The following FOXP1 variants were observed in gnomAD, a reference collection of about 807,000 sequenced individuals.
The protein encoded by FOXP1 is forkhead box protein P1.
FOXP1 carries 15 observed loss-of-function variants against 98.2 expected under a neutral mutation model. The observed-to-expected ratio is 0.15, with a 90% CI of 0.10 to 0.24. The LOEUF is 0.24. Ranked by LOEUF, FOXP1 falls within the 10% of genes least tolerant of loss-of-function variation. The pLI is 1.00. For synonymous variants in FOXP1, 371 were observed against 314.5 expected, an observed-to-expected ratio of 1.18 and a Z score of -1.90; for missense variants, 633 against 848.5, an observed-to-expected ratio of 0.75 and a Z score of 3.15.
intron 5 of FOXP1, among the ~76,000 whole-genome samples, chr3:71,231,523 C>T (rs999016119): frequency 6.6e-5 from 10 of 152,150 alleles, no homozygotes; most frequent in Admixed American, 3.3e-4. Context: ...GAAAAATACA[C>T]AACACCAACT....
chr3:71,454,252 T>C (rs1237399114), intron 3 of FOXP1, among the ~76,000 whole-genome samples: 1 of 152,186 alleles, frequency 6.6e-6, no homozygotes, highest in Admixed American at 6.5e-5. Context: ...ACTATACTCC[T>C]ACAGCGTGAT....
chr3:71,374,203 A>G (rs985829088), intron 3 of FOXP1, among the ~76,000 whole-genome samples: 2 of 152,226 alleles, frequency 1.3e-5, no homozygotes, highest in Non-Finnish European at 1.5e-5. Context: ...TATATAATGG[A>G]GTAACTTCCA....
chr3:71,109,187 T>C (rs1388898991), intron 7 of FOXP1, among the ~76,000 whole-genome samples: 2 of 152,224 alleles, frequency 1.3e-5, no homozygotes, highest in Non-Finnish European at 2.9e-5. Flanking sequence ...AGTATGTGGA[T>C]CTGCAAAGAG....
intron 14 of FOXP1, among the ~76,000 whole-genome samples, chr3:70,983,070 T>C (rs1460109251): frequency 6.6e-6 from 1 of 152,220 alleles, no homozygotes; most frequent in Non-Finnish European, 1.5e-5. Flanking sequence ...AGAGACGGCC[T>C]TTCTGAGGCT....
chr3:71,049,899 CTCAG>C (rs2049611184), intron 9 of FOXP1, among the ~76,000 whole-genome samples: 1 of 152,098 alleles, frequency 6.6e-6, no homozygotes, highest in Non-Finnish European at 1.5e-5. Context: ...TACCCTGGGT[CTCAG>C]ACAAATCCAC....
intron 3 of FOXP1, among the ~76,000 whole-genome samples, chr3:71,449,142 T>C (rs2086709332): frequency 6.6e-6 from 1 of 152,134 alleles, no homozygotes; most frequent in East Asian, 1.9e-4. Flanking sequence ...AAAAACAGGG[T>C]AGAAATATAG....
chr3:70,961,326 G>C (rs1041343344), intron 20 of FOXP1, among the ~76,000 whole-genome samples: 6 of 151,990 alleles, frequency 3.9e-5, no homozygotes, highest in African/African-American at 1.5e-4. Context: ...CAACCCCCAG[G>C]CTCAAGTAAT....
At chr3:71,056,550 G>C (rs1412168665) in intron 7 of FOXP1, among the ~76,000 whole-genome samples, 2 of 152,200 alleles carry the variant, frequency 1.3e-5, no homozygotes, top group Non-Finnish European at 2.9e-5. Flanking sequence ...AGAGGCCTGA[G>C]TAATCCTCCA....
At chr3:71,215,862 G>C (rs1399374112) in intron 5 of FOXP1, among the ~76,000 whole-genome samples, 1 of 152,180 alleles carries the variant, frequency 6.6e-6, no homozygotes, top group Non-Finnish European at 1.5e-5. Context: ...AGCCAGCCCT[G>C]TTCAAAGCAG....
At chr3:71,038,713 G>A (rs1295482498) in intron 11 of FOXP1, among the ~76,000 whole-genome samples, 1 of 151,236 alleles carries the variant, frequency 6.6e-6, no homozygotes, top group East Asian at 1.9e-4. Flanking sequence ...GCCCAGGCTG[G>A]AGTGCAATGG....
At chr3:70,979,778 TAAAAAA>T (rs34746282) in intron 14 of FOXP1, among the ~76,000 whole-genome samples, 1 of 138,164 alleles carries the variant, frequency 7.2e-6, no homozygotes, top group South Asian at 2.5e-4. Flanking sequence ...ACACTCTAGT[TAAAAAA>T]AAAAAAAAAG....
chr3:70,983,923 A>AC, intron 14 of FOXP1, among the ~76,000 whole-genome samples: 1 of 152,218 alleles, frequency 6.6e-6, no homozygotes, highest in Non-Finnish European at 1.5e-5. Context: ...CCACAGAGTA[A>AC]GCACGGAGAA....
At chr3:71,153,384 G>A (rs1453797232) in intron 6 of FOXP1, among the ~76,000 whole-genome samples, 4 of 152,026 alleles carry the variant, frequency 2.6e-5, no homozygotes, top group African/African-American at 4.8e-5. Flanking sequence ...CTCCAGGGAC[G>A]TTTCCAGGTT....
chr3:71,317,188 G>C (rs1334343143), intron 4 of FOXP1, among the ~76,000 whole-genome samples: 2 of 152,074 alleles, frequency 1.3e-5, no homozygotes, highest in African/African-American at 4.8e-5. Context: ...CCAGAGAGTT[G>C]AAGCATTATA....
At chr3:71,257,456 G>A (rs1319112891) in intron 5 of FOXP1, among the ~76,000 whole-genome samples, 2 of 152,078 alleles carry the variant, frequency 1.3e-5, no homozygotes, top group East Asian at 3.9e-4. Context: ...GTGGTGGCAG[G>A]CCCCTGTAAT....
At chr3:71,498,413 C>G (rs2091561885) in intron 2 of FOXP1, among the ~76,000 whole-genome samples, 1 of 152,166 alleles carries the variant, frequency 6.6e-6, no homozygotes, top group South Asian at 2.1e-4. Context: ...AGGAAAACAA[C>G]AACAGCACAG....
intron 3 of FOXP1, among the ~76,000 whole-genome samples, chr3:71,427,726 G>A (rs1253028851): frequency 6.6e-6 from 1 of 152,210 alleles, no homozygotes; most frequent in African/African-American, 2.4e-5. Flanking sequence ...AGGAACTAAG[G>A]GAACATGAGG....
intron 4 of FOXP1, among the ~76,000 whole-genome samples, chr3:71,300,856 T>C (rs2107563101): frequency 6.6e-6 from 1 of 152,348 alleles, no homozygotes; most frequent in Middle Eastern, 3.4e-3. Context: ...GGTTTAATTT[T>C]ATAGGAATAT....
At chr3:71,330,454 T>A (rs2076225062) in intron 4 of FOXP1, among the ~76,000 whole-genome samples, 1 of 152,216 alleles carries the variant, frequency 6.6e-6, no homozygotes, top group Non-Finnish European at 1.5e-5. Flanking sequence ...GAGTTTGAAA[T>A]GCATCGATAT....
Sources: gnomAD v4.1 joint callset for allele counts (sites outside exome capture counted in the v4.1 genomes callset) on GRCh38, gnomAD v4.1.1 for gene constraint, MANE v1.5 for transcripts, NCBI Gene and HGNC (gene_info 2026-07-23, HGNC 2026-07-21) for gene names.